LTBP1: variants seen among roughly 807,000 people sequenced by gnomAD.
The protein encoded by LTBP1 is latent transforming growth factor beta binding protein 1.
Under a neutral mutation model 207.6 loss-of-function variants are expected in LTBP1, and 129 were observed. That is an observed-to-expected ratio of 0.62 (90% CI 0.54 to 0.72). The LOEUF is 0.72. LTBP1 is among the 30% of genes least tolerant of loss of function. The pLI, the probability that LTBP1 is intolerant of heterozygous loss-of-function variation, is 0.00. For missense variants in LTBP1, 2,281 were observed against 2,217.2 expected (o/e 1.03, Z -0.58); for synonymous variants, 963 against 833.7 (o/e 1.16, Z -2.67).
At chr2:33,174,811 A>G (rs1302115326) in intron 5 of LTBP1, among the ~76,000 whole-genome samples, 1 of 152,142 alleles carries the variant, frequency 6.6e-6, no homozygotes, top group Admixed American at 6.5e-5. Context: ...AAACAGAGAT[A>G]TAGATCAATG....
intron 2 of LTBP1, among the ~76,000 whole-genome samples, chr2:32,965,055 C>G (rs1192472443): frequency 1.3e-5 from 2 of 151,958 alleles, no homozygotes; most frequent in African/African-American, 4.8e-5. Flanking sequence ...AAACAAAAAA[C>G]AAAAACAAAC....
intron 9 of LTBP1, among the ~76,000 whole-genome samples, chr2:33,230,541 A>G (rs1264710788): frequency 2.0e-5 from 3 of 152,202 alleles, no homozygotes; most frequent in Admixed American, 6.5e-5. Context: ...GATCTAGAGC[A>G]GCATTTGTCA....
At chr2:33,033,168 A>G (rs749027739) in intron 3 of LTBP1, among the ~76,000 whole-genome samples, 3 of 152,182 alleles carry the variant, frequency 2.0e-5, no homozygotes, top group Admixed American at 6.5e-5. Flanking sequence ...TTTAGTTTCA[A>G]TGAATAATTG....
intron 28 of LTBP1, 41 bp downstream of exon 28, chr2:33,361,556 C>A: frequency 1.5e-6 from 2 of 1,377,916 alleles, no homozygotes; most frequent in Non-Finnish European, 2.1e-6. Context: ...ACATTGTGTA[C>A]ATGTCAGATA....
intron 5 of LTBP1, among the ~76,000 whole-genome samples, chr2:33,151,821 TTTTGTGTGTGTGTGTGTGTG>T (rs1227039492): frequency 5.5e-4 from 77 of 140,840 alleles, no homozygotes; most frequent in East Asian, 2.6e-3. Context: ...TAGTATTCCA[TTTTGTGTGTGTGTGTGTGTG>T]TGTGTGTGTG....
intron 18 of LTBP1, among the ~76,000 whole-genome samples, chr2:33,276,988 G>A (rs531294806): frequency 4.6e-5 from 7 of 152,300 alleles, no homozygotes; most frequent in East Asian, 1.9e-4. Flanking sequence ...GTGAGGGCAC[G>A]GGAGCATGGT....
chr2:33,373,005 A>G (rs1296772027), intron 31 of LTBP1, among the ~76,000 whole-genome samples: 1 of 152,250 alleles, frequency 6.6e-6, no homozygotes, highest in South Asian at 2.1e-4. Flanking sequence ...TTGAATCTTA[A>G]GTACCCAGGG....
chr2:32,981,377 T>C (rs989416109), intron 2 of LTBP1, among the ~76,000 whole-genome samples: 5 of 152,264 alleles, frequency 3.3e-5, no homozygotes, highest in Non-Finnish European at 7.3e-5. Context: ...TCTGTTCCAG[T>C]AAATTGTATT....
At chr2:33,384,658 A>C (rs1434673785) in intron 31 of LTBP1, among the ~76,000 whole-genome samples, 2 of 152,242 alleles carry the variant, frequency 1.3e-5, no homozygotes, top group Non-Finnish European at 2.9e-5. Context: ...AAATGTGTTC[A>C]TCTCCACATG....
intron 9 of LTBP1, among the ~76,000 whole-genome samples, chr2:33,228,603 A>G (rs1360678852): frequency 1.3e-5 from 2 of 151,912 alleles, no homozygotes; most frequent in Non-Finnish European, 2.9e-5. Flanking sequence ...AGATTTGGGC[A>G]TTATTATTCT....
rs750933768 is a variant in LTBP1, at chr2:33,309,422, A to G, written c.3482-12A>G. On this transcript the variant is annotated splice_polypyrimidine_tract_variant and intron_variant, in intron 22 of 33. Transcript: ENST00000404816. ...TTATTTAGTCTTTAAAAATTTTTAA[A>G]TTGGTTTTTAGATATCAATGAATGC... 1.3e-6 allele frequency: 2 copies of G among 1,574,068 alleles called. No individual in the cohort carries two copies. The highest frequency in any genetic ancestry group is 1.4e-5 in the African/African-American group (1 of 72,320).
chr2:33,093,496 A>G (rs1337104449), intron 3 of LTBP1, among the ~76,000 whole-genome samples: 2 of 152,006 alleles, frequency 1.3e-5, no homozygotes, highest in African/African-American at 4.8e-5. Flanking sequence ...CAACTAGGAT[A>G]CGCCTGCTCA....
chr2:33,017,109 G>A (rs986467315), intron 2 of LTBP1, among the ~76,000 whole-genome samples: 6 of 152,290 alleles, frequency 3.9e-5, no homozygotes, highest in South Asian at 4.1e-4. Flanking sequence ...AAGTTTTCAC[G>A]TAAATGCTAT....
chr2:33,293,112 T>C (rs1251130314), intron 19 of LTBP1, 48 bp from the exon 20 acceptor site: 19 of 1,586,122 alleles, frequency 1.2e-5, no homozygotes, highest in Non-Finnish European at 1.6e-5. Context: ...TATCCATGTT[T>C]TCTTTTTCTT....
intron 23 of LTBP1, among the ~76,000 whole-genome samples, chr2:33,314,788 A>G (rs771136980): frequency 2.0e-5 from 3 of 152,212 alleles, no homozygotes; most frequent in African/African-American, 7.2e-5. Flanking sequence ...GTGCATGGCA[A>G]TGGGAGAGGG....
intron 5 of LTBP1, among the ~76,000 whole-genome samples, chr2:33,143,544 A>C (rs912699853): frequency 6.6e-6 from 1 of 152,216 alleles, no homozygotes; most frequent in Non-Finnish European, 1.5e-5. Flanking sequence ...TCCACTGACC[A>C]CAAGATGCAT....
intron 2 of LTBP1, among the ~76,000 whole-genome samples, chr2:32,959,266 C>CT (rs1218947442): frequency 6.6e-6 from 1 of 151,978 alleles, no homozygotes; most frequent in African/African-American, 2.4e-5. Flanking sequence ...CTTTACTGAA[C>CT]TGATGAGATC....
chr2:33,339,692 C>T (rs903588829), intron 24 of LTBP1, among the ~76,000 whole-genome samples: 5 of 151,720 alleles, frequency 3.3e-5, no homozygotes, highest in Admixed American at 6.6e-5. Flanking sequence ...GTTGCCCAGT[C>T]TGGAGTGCAA....
At chr2:33,221,142 C>A (rs2091073933) in intron 8 of LTBP1, among the ~76,000 whole-genome samples, 1 of 152,170 alleles carries the variant, frequency 6.6e-6, no homozygotes, top group South Asian at 2.1e-4. Flanking sequence ...GAATTCCTTA[C>A]TGCAGGACAT....
Sources: gnomAD v4.1 joint callset for allele counts (sites outside exome capture counted in the v4.1 genomes callset) on GRCh38, gnomAD v4.1.1 for gene constraint, MANE v1.5 for transcripts, NCBI Gene and HGNC (gene_info 2026-07-23, HGNC 2026-07-21) for gene names.